RBCK1: variants seen among roughly 807,000 people sequenced by gnomAD.
RBCK1 encodes the protein RANBP2-type and C3HC4-type zinc finger containing 1.
In RBCK1, 44 loss-of-function variants were observed where a neutral mutation model predicts 71.1. That is an observed-to-expected ratio of 0.62 (90% CI 0.49 to 0.80). RBCK1 has a LOEUF of 0.80. Among genes scored for constraint, RBCK1 ranks in the 30% least tolerant of loss-of-function variants. The pLI, the probability that RBCK1 is intolerant of heterozygous loss-of-function variation, is 0.00. For missense variants in RBCK1, 569 were observed against 685.0 expected (o/e 0.83, Z 1.89); for synonymous variants, 306 against 279.7 (o/e 1.09, Z -0.94).
rs150646962 is a variant in RBCK1, at chr20:428,653, G to T, written c.1308+64G>T. On this transcript the variant is annotated intron_variant, in intron 10 of 11. Coordinates refer to ENST00000356286, the MANE Select transcript of RBCK1 (RefSeq NM_031229.4). The surrounding 1 kb of genome is among the most constrained non-coding windows in gnomAD (Gnocchi z 5.7). ...TTCTGGGATCCAGGTGGGGGCTGGG[G>T]GCTTCCCAGTAAGGGCTGTGCTCAC... The T allele has an allele frequency of 6.7e-7, 1 of 1,493,728 alleles. No homozygotes were observed. The highest frequency in any genetic ancestry group is 2.2e-5 in the Admixed American group (1 of 45,260). The allele number at this position is 1,493,728 out of a possible 1,614,324, so 92.5% of individuals were successfully genotyped here. A position where few individuals can be genotyped will look rare whatever the true frequency, so the allele number is the denominator to read the frequency against.
intron 8 of RBCK1, among the ~76,000 whole-genome samples, chr20:424,319 T>C (rs1364510382): frequency 6.6e-6 from 1 of 152,208 alleles, no homozygotes; most frequent in Non-Finnish European, 1.5e-5. Context: ...TTCAAACTGC[T>C]GGGAAATGAC....
chr20:409,690 G>A (rs938626238), intron 1 of RBCK1, 191 bp from the exon 2 acceptor site: 2 of 749,834 alleles, frequency 2.7e-6, no homozygotes, highest in Non-Finnish European at 4.3e-6. Flanking sequence ...GTGTGAGGAG[G>A]AGTGGGGAAT....
rs1001519162 is a variant in RBCK1, at chr20:416,322, A to AT, written c.168-1193dup. Among the ~76,000 whole-genome samples the AT allele has an allele frequency of 7.5e-3, 1,101 of 146,836 alleles. 13 individuals carry two copies. The highest frequency in any genetic ancestry group is 0.024 in the African/African-American group (969 of 40,130). ...AGGCGCCCGCCACCGTGCCTGGCTAATTTTTTTTTTTGTATTTTTAGTAGA... is the reference window on the plus strand; with the variant it reads ...AGGCGCCCGCCACCGTGCCTGGCTAATTTTTTTTTTTTGTATTTTTAGTAGA... On this transcript the variant is annotated intron_variant, in intron 2 of 11. Transcript: ENST00000356286.
intron 4 of RBCK1, among the ~76,000 whole-genome samples, chr20:418,345 C>A (rs1187578198): frequency 6.6e-6 from 1 of 151,736 alleles, no homozygotes; most frequent in Non-Finnish European, 1.5e-5. Flanking sequence ...TCCCATGTAC[C>A]TTTCATGTGG....
intron 6 of RBCK1, 31 bp from the exon 7 acceptor site, chr20:420,840 C>G: frequency 6.5e-7 from 1 of 1,537,240 alleles, no homozygotes; most frequent in Non-Finnish European, 8.7e-7. Context: ...GAGGCCCTGA[C>G]CCGCCCCGTG....
rs1215347809 is a variant in RBCK1 at position 422,675 on chromosome 20, G to A, written c.1029+437G>A. Among the ~76,000 whole-genome samples, 2 of 152,094 alleles carry A rather than the reference G, an allele frequency of 1.3e-5. No homozygotes were observed. Among genetic ancestry groups the A allele is most frequent in the African/African-American group, 2.4e-5 (1 of 41,400 alleles). On this transcript the variant is annotated intron_variant, in intron 8 of 11. Transcript: ENST00000356286. This position sits in a 1 kb window ranked among gnomAD's most constrained non-coding sequence, Gnocchi z 5.0. ...CAAAAAATATTCAAAAAATAGCCAG[G>A]CGCGGGGGCATGCGCCTGTAGTCCT...
rs1376251570 is a variant in RBCK1 at position 428,129 on chromosome 20, T to TG, written c.1210-359dup. ...CTGAGCAAGCTCAGTCTGGGGTCATTGGGCCTGTAACCCCGGGCAGGCCCT... is the reference window on the plus strand; with the variant it reads ...CTGAGCAAGCTCAGTCTGGGGTCATTGGGGCCTGTAACCCCGGGCAGGCCCT... On this transcript the variant is annotated intron_variant, in intron 9 of 11. Transcript: ENST00000356286. The surrounding 1 kb of genome is among the most constrained non-coding windows in gnomAD (Gnocchi z 5.7). 6.6e-6 allele frequency among the ~76,000 whole-genome samples: 1 copy of TG among 152,182 alleles called. No individual in the cohort carries two copies. Among genetic ancestry groups the TG allele is most frequent in the Non-Finnish European group, 1.5e-5 (1 of 68,028 alleles).
Position 420,952 on chromosome 20 carries a change from G to A in RBCK1, c.838G>A (p.Ala280Thr), listed in dbSNP as rs367600993. ...QRSLVLNTEP[A>T]ECPVCYSVLA... ...GAGCCTGGTGCTGAACACGGAGCCCGCCGAGTGCCCCGTGTGCTACTCGGT... is the reference window on the plus strand; with the variant it reads ...GAGCCTGGTGCTGAACACGGAGCCCACCGAGTGCCCCGTGTGCTACTCGGT... Residue 280 changes from alanine to threonine, a missense_variant, in exon 7 of 12, where the codon GCC (alanine) becomes ACC (threonine). Physicochemically the swap from Ala to Thr is moderately conservative, Grantham distance 58. This residue lies in a region of RBCK1 where 358 missense variants were observed against 375.6 expected (regional missense o/e 0.95). Transcript: ENST00000356286. The A allele has an allele frequency of 6.4e-6, 10 of 1,556,698 alleles. No individual in the cohort carries two copies. Among genetic ancestry groups the A allele is most frequent in the South Asian group, 4.7e-5 (4 of 84,624 alleles).
Position 429,752 on chromosome 20 carries a change from C to T in RBCK1, c.1453-598C>T, listed in dbSNP as rs923270023. Among the ~76,000 whole-genome samples the T allele has an allele frequency of 3.9e-5, 6 of 152,284 alleles. No individual in the cohort carries two copies. The South Asian group carries it at 8.3e-4, about 21-fold the overall frequency. On this transcript the variant is annotated intron_variant, in intron 11 of 11. Transcript: ENST00000356286. ...TGGCCCTTTGCAGAAAAGGTTTGCC[C>T]ACTCCTGCCCTAGAGGACAGCAAGT... is the stretch of plus-strand genomic sequence containing the variant.
In RBCK1 at chr20:422,976, A is replaced by T. The variant is rs1261194538; in HGVS notation, c.1029+738A>T. Among the ~76,000 whole-genome samples the T allele has an allele frequency of 6.6e-6, 1 of 152,202 alleles. No individual in the cohort carries two copies. Among genetic ancestry groups the T allele is most frequent in the Non-Finnish European group, 1.5e-5 (1 of 68,046 alleles). ...ACAGCTTCTATTTCCAGGATTGCAA[A>T]GATTACAGTAGAGGATATGTGTATA... On this transcript the variant is annotated intron_variant, in intron 8 of 11. Transcript: ENST00000356286. The surrounding 1 kb of genome is among the most constrained non-coding windows in gnomAD (Gnocchi z 5.0).
In RBCK1 at chr20:431,434, G is replaced by A. The variant is rs191286649; in HGVS notation, c.*1004G>A. On this transcript the variant is annotated 3_prime_UTR_variant, in exon 12 of 12. Coordinates refer to ENST00000356286, the MANE Select transcript of RBCK1 (RefSeq NM_031229.4). This position sits in a 1 kb window ranked among gnomAD's most constrained non-coding sequence, Gnocchi z 4.8. ...TACTAGAACCCACTCTGTGCTGGTC[G>A]GAGGTTACTAAGACAGGGTCCTGGG... 7.9e-5 allele frequency among the ~76,000 whole-genome samples: 12 copies of A among 152,264 alleles called. No individual in the cohort carries two copies. The highest frequency in any genetic ancestry group is 6.2e-4 in the South Asian group (3 of 4,826).
Position 419,410 on chromosome 20 carries a change from C to T in RBCK1, c.524C>T (p.Pro175Leu). The change falls in exon 5 of 12, where the codon CCC becomes CTC. Residue 175 changes from proline (P) to leucine (L), a missense_variant. By Grantham distance (98) the Pro-to-Leu change is moderately conservative. This residue lies in a region of RBCK1 where 358 missense variants were observed against 375.6 expected (regional missense o/e 0.95). Coordinates refer to ENST00000356286, the MANE Select transcript of RBCK1 (RefSeq NM_031229.4). ...RGPLEPGPPK[P>L]GVPQEPGRGQ... is the part of the protein sequence containing the mutation. ...CCTCTGGAGCCAGGCCCCCCAAAGCCCGGGGTCCCCCAGGAACCCGGACGG... is the reference window on the plus strand; with the variant it reads ...CCTCTGGAGCCAGGCCCCCCAAAGCTCGGGGTCCCCCAGGAACCCGGACGG... The T allele has an allele frequency of 6.2e-7, 1 of 1,610,944 alleles. No homozygotes were observed. Among genetic ancestry groups the T allele is most frequent in the Non-Finnish European group, 8.5e-7 (1 of 1,178,954 alleles).
intron 2 of RBCK1, among the ~76,000 whole-genome samples, chr20:415,202 C>G (rs976070052): frequency 9.2e-5 from 14 of 152,084 alleles, no homozygotes; most frequent in Non-Finnish European, 1.8e-4. Context: ...ATAGTGAAAC[C>G]TTGTCTCTAC....
chr20:418,549 T>C (rs1056049588), intron 4 of RBCK1, among the ~76,000 whole-genome samples: 12 of 152,158 alleles, frequency 7.9e-5, no homozygotes, highest in Non-Finnish European at 1.3e-4. Context: ...TTTATATTTT[T>C]AGTAGAGACG....
Position 428,424 on chromosome 20 carries a change from C to T in RBCK1, c.1210-67C>T. ...TGCCTTTGTGGACTCCTGCCCTGCA[C>T]CTCACCTCTCCCAGCTTCTTAACCC... On this transcript the variant is annotated intron_variant, in intron 9 of 11. Coordinates refer to ENST00000356286, the MANE Select transcript of RBCK1 (RefSeq NM_031229.4). This position sits in a 1 kb window ranked among gnomAD's most constrained non-coding sequence, Gnocchi z 5.7. 1.7e-6 allele frequency: 2 copies of T among 1,206,776 alleles called. No homozygotes were observed. The highest frequency in any genetic ancestry group is 2.3e-6 in the Non-Finnish European group (2 of 861,266). The allele number at this position is 1,206,776 out of a possible 1,614,324, so 74.8% of individuals were successfully genotyped here.
chr20:417,687 C>T lies in RBCK1; in HGVS notation c.262-45C>T, dbSNP rs778086791. ...CCTTTCACTCCTGCTTCCTCTCTCTCCTCTGGCCCTCCCTTCCCACTCTCC... is the reference window on the plus strand; with the variant it reads ...CCTTTCACTCCTGCTTCCTCTCTCTTCTCTGGCCCTCCCTTCCCACTCTCC... On this transcript the variant is annotated intron_variant, in intron 3 of 11. Transcript: ENST00000356286. The surrounding 1 kb of genome is among the most constrained non-coding windows in gnomAD (Gnocchi z 4.7). 1.2e-6 allele frequency: 2 copies of T among 1,604,738 alleles called. No homozygotes were observed. The highest frequency in any genetic ancestry group is 1.7e-6 in the Non-Finnish European group (2 of 1,172,152).
chr20:417,695 C>T lies in RBCK1; in HGVS notation c.262-37C>T, dbSNP rs1011030569. 4.4e-6 allele frequency: 7 copies of T among 1,604,672 alleles called. No homozygotes were observed. The African/African-American group carries it at 9.4e-5, about 21-fold the overall frequency. On this transcript the variant is annotated intron_variant, in intron 3 of 11. Coordinates refer to ENST00000356286, the MANE Select transcript of RBCK1 (RefSeq NM_031229.4). This position sits in a 1 kb window ranked among gnomAD's most constrained non-coding sequence, Gnocchi z 4.7. ...TCCTGCTTCCTCTCTCTCCTCTGGC[C>T]CTCCCTTCCCACTCTCCCTCTCTTT...
At position 417,495 on chromosome 20, in the gene RBCK1, G is replaced by T. The variant is rs772526815; in HGVS notation, c.168-31G>T. On this transcript the variant is annotated intron_variant, in intron 2 of 11. Coordinates refer to ENST00000356286, the MANE Select transcript of RBCK1 (RefSeq NM_031229.4). The surrounding 1 kb of genome is among the most constrained non-coding windows in gnomAD (Gnocchi z 4.7). ...GGCTGAGGCTGGACCCCTGGCCAGA[G>T]CCCATGCTGAGCCCCTGCTGTTCTC... The T allele has an allele frequency of 6.2e-7, 1 of 1,607,218 alleles. No individual in the cohort carries two copies. The highest frequency in any genetic ancestry group is 2.2e-5 in the East Asian group (1 of 44,836).
At chr20:421,089 A>C (rs542885659) in intron 7 of RBCK1, 58 bp downstream of exon 7, 3 of 1,475,892 alleles carry the variant, frequency 2.0e-6, no homozygotes, top group Non-Finnish European at 2.7e-6. Context: ...CCAATTACGC[A>C]GGGCTGGACG....
Sources: gnomAD v4.1 joint callset for allele counts (sites outside exome capture counted in the v4.1 genomes callset) on GRCh38, gnomAD v4.1.1 for gene constraint, gnomAD v4.1.1 regional missense constraint, Gnocchi (gnomAD v3.1) non-coding constraint, MANE v1.5 for transcripts, NCBI Gene and HGNC (gene_info 2026-07-23, HGNC 2026-07-21) for gene names.